GALNT13: variants seen among roughly 807,000 people sequenced by gnomAD.
The protein encoded by GALNT13 is polypeptide N-acetylgalactosaminyltransferase 13.
Under a neutral mutation model 64.2 loss-of-function variants are expected in GALNT13, and 28 were observed. The ratio of observed to expected loss-of-function variants is 0.44; its 90% CI spans 0.32 to 0.60. GALNT13 has a LOEUF of 0.60. Among genes scored for constraint, GALNT13 ranks in the 20% least tolerant of loss-of-function variants. The probability of loss-of-function intolerance (pLI) is 0.05; values close to 1 mark genes in which losing one functional copy is unlikely to be tolerated. For synonymous variants in GALNT13, 214 were observed against 224.6 expected (o/e 0.95, Z 0.42); for missense variants, 577 against 669.8 (o/e 0.86, Z 1.53).
intron 2 of GALNT13, among the ~76,000 whole-genome samples, chr2:153,920,953 A>G (rs183223100): frequency 1.1e-4 from 17 of 152,320 alleles, no homozygotes; most frequent in Non-Finnish European, 1.9e-4. Flanking sequence ...CAGAATGGCT[A>G]TTATTAAAAA....
chr2:153,431,775 A>G, the GALNT13 span, among the ~76,000 whole-genome samples: 5 of 152,198 alleles, frequency 3.3e-5, no homozygotes, highest in Non-Finnish European at 7.3e-5. Flanking sequence ...AACATCTAAT[A>G]TATTTCACAC....
At chr2:154,368,737 A>G (rs965298940) in intron 9 of GALNT13, among the ~76,000 whole-genome samples, 5 of 152,174 alleles carry the variant, frequency 3.3e-5, no homozygotes, top group African/African-American at 1.2e-4. Flanking sequence ...TTATAGGAAC[A>G]GGGCCTGGGA....
intron 2 of GALNT13, among the ~76,000 whole-genome samples, chr2:153,917,017 G>A (rs1157043642): frequency 6.6e-6 from 1 of 152,088 alleles, no homozygotes; most frequent in Non-Finnish European, 1.5e-5. Context: ...TGAAACTGAC[G>A]AAAGAAATTA....
intron 9 of GALNT13, among the ~76,000 whole-genome samples, chr2:154,304,370 A>G (rs1363801895): frequency 6.6e-6 from 1 of 152,180 alleles, no homozygotes; most frequent in African/African-American, 2.4e-5. Context: ...TTTTCTTTTG[A>G]TGATACTTTT....
chr2:153,650,769 A>C, the GALNT13 span, among the ~76,000 whole-genome samples: 3 of 152,086 alleles, frequency 2.0e-5, no homozygotes, highest in African/African-American at 7.2e-5. Flanking sequence ...CCAGGCAAAC[A>C]GGTTTGGAGT....
At chr2:153,815,751 A>G in the GALNT13 span, among the ~76,000 whole-genome samples, 21 of 152,146 alleles carry the variant, frequency 1.4e-4, no homozygotes, top group Non-Finnish European at 7.4e-5. Context: ...GTCATTTGTC[A>G]TAATATCTTG....
chr2:154,298,777 T>C (rs1354499695), intron 8 of GALNT13, among the ~76,000 whole-genome samples: 3 of 124,024 alleles, frequency 2.4e-5, no homozygotes, highest in African/African-American at 9.2e-5. Context: ...ATTATATATT[T>C]ATTTATATAT....
At chr2:154,015,504 A>G (rs982869296) in intron 3 of GALNT13, among the ~76,000 whole-genome samples, 4 of 152,120 alleles carry the variant, frequency 2.6e-5, no homozygotes, top group African/African-American at 9.7e-5. Flanking sequence ...TAGTTCTCTC[A>G]GGAGTCTCTC....
the GALNT13 span, among the ~76,000 whole-genome samples, chr2:153,723,793 G>C: frequency 6.6e-6 from 1 of 150,686 alleles, no homozygotes; most frequent in Admixed American, 6.6e-5. Context: ...CACTGCTCAA[G>C]GAAATAAAAG....
chr2:153,198,477 T>C, the GALNT13 span, among the ~76,000 whole-genome samples: 1 of 152,218 alleles, frequency 6.6e-6, no homozygotes, highest in African/African-American at 2.4e-5. Flanking sequence ...CTTCAGGTAT[T>C]TCCTGTCACT....
At chr2:153,636,698 C>T in the GALNT13 span, among the ~76,000 whole-genome samples, 10 of 152,094 alleles carry the variant, frequency 6.6e-5, no homozygotes, top group Admixed American at 5.9e-4. Context: ...GGCCAGGGCT[C>T]TTACTGCTTT....
chr2:153,176,019 A>G, the GALNT13 span, among the ~76,000 whole-genome samples: 1 of 152,166 alleles, frequency 6.6e-6, no homozygotes, highest in East Asian at 1.9e-4. Context: ...GAGGGAGTGA[A>G]TCAAACATAC....
the GALNT13 span, among the ~76,000 whole-genome samples, chr2:153,387,160 C>T: frequency 1.3e-5 from 2 of 152,008 alleles, no homozygotes; most frequent in Non-Finnish European, 2.9e-5. Flanking sequence ...GAAAGGCAAC[C>T]ATATTTTTTT....
At chr2:153,554,897 A>AT in the GALNT13 span, among the ~76,000 whole-genome samples, 1 of 152,004 alleles carries the variant, frequency 6.6e-6, no homozygotes, top group Non-Finnish European at 1.5e-5. Flanking sequence ...ACGAGAGAAA[A>AT]TTTTTTTAGT....
intron 8 of GALNT13, among the ~76,000 whole-genome samples, chr2:154,299,822 C>T (rs916127791): frequency 6.6e-6 from 1 of 151,852 alleles, no homozygotes; most frequent in African/African-American, 2.4e-5. Context: ...AGGAAGGTTT[C>T]TATTCTTCTC....
intron 11 of GALNT13, among the ~76,000 whole-genome samples, chr2:154,429,657 C>T (rs1700624713): frequency 6.6e-6 from 1 of 152,176 alleles, no homozygotes; most frequent in Admixed American, 6.5e-5. Flanking sequence ...ATACAGTAAA[C>T]AACAGATTTT....
the GALNT13 span, among the ~76,000 whole-genome samples, chr2:153,777,574 T>G: frequency 5.9e-5 from 9 of 152,186 alleles, no homozygotes; most frequent in Admixed American, 5.9e-4. Context: ...ACTGACACAT[T>G]TCTCTTCTAC....
At chr2:154,382,358 A>T (rs1354630760) in intron 9 of GALNT13, among the ~76,000 whole-genome samples, 4 of 152,066 alleles carry the variant, frequency 2.6e-5, no homozygotes, top group Admixed American at 6.6e-5. Context: ...TGCTTTCATC[A>T]TGACTGAATG....
At chr2:153,305,037 G>A in the GALNT13 span, among the ~76,000 whole-genome samples, 2 of 151,990 alleles carry the variant, frequency 1.3e-5, no homozygotes, top group African/African-American at 2.4e-5. Context: ...ATTTTGGGGG[G>A]TAATTTAAAT....
Sources: allele counts gnomAD v4.1 joint callset (sites outside exome capture counted in the v4.1 genomes callset), GRCh38; gene constraint gnomAD v4.1.1; transcripts MANE v1.5; gene names NCBI Gene and HGNC (gene_info 2026-07-23, HGNC 2026-07-21).